FER1L5: variants seen among roughly 807,000 people sequenced by gnomAD.
FER1L5 encodes the protein fer-1 like family member 5, also known as fer-1-like protein 5.
A neutral mutation model predicts 279.9 loss-of-function variants in FER1L5; 187 were observed. The ratio of observed to expected loss-of-function variants is 0.67; its 90% CI spans 0.59 to 0.75. The LOEUF (loss-of-function observed/expected upper bound fraction) is 0.75. FER1L5 is among the 30% of genes least tolerant of loss of function. The probability of loss-of-function intolerance (pLI) is 0.00; values close to 1 mark genes in which losing one functional copy is unlikely to be tolerated. For synonymous variants in FER1L5, 921 were observed against 989.7 expected, an observed-to-expected ratio of 0.93 and a Z score of 1.30; for missense variants, 2,091 against 2,594.4, an observed-to-expected ratio of 0.81 and a Z score of 4.21.
At chr2:96,699,007 C>G (rs1410497143) in intron 41 of FER1L5, 38 bp from the exon 42 acceptor site, 2 of 1,579,366 alleles carry the variant, frequency 1.3e-6, no homozygotes, top group Non-Finnish European at 1.7e-6. Context: ...GACGGCCTCC[C>G]CAGTTCCTAT....
chr2:96,647,665 G>C, intron 3 of FER1L5, 113 bp from the exon 4 acceptor site: 3 of 737,226 alleles, frequency 4.1e-6, no homozygotes, highest in South Asian at 3.5e-5. Context: ...GCCTCTCTCT[G>C]AGGACAGCAC....
chr2:96,689,245 G>T lies in FER1L5; in HGVS notation c.2394G>T (p.Trp798Cys), dbSNP rs1317900336. 6.4e-7 allele frequency: 1 copy of T among 1,550,542 alleles called. No homozygotes were observed. The highest frequency in any genetic ancestry group is 8.7e-7 in the Non-Finnish European group (1 of 1,146,684). ...YENQAKYKDQWGQQGLYHCPN... is the reference protein window; with the variant it reads ...YENQAKYKDQCGQQGLYHCPN... ...ATCAGGCCAAGTATAAAGACCAGTGGGGGCAGCAGGGGCTGTATCACTGCC... is the reference window on the plus strand; with the variant it reads ...ATCAGGCCAAGTATAAAGACCAGTGTGGGCAGCAGGGGCTGTATCACTGCC... The change falls in exon 25 of 53, where the codon TGG becomes TGT. Residue 798 changes from tryptophan (W) to cysteine (C), a missense_variant. Physicochemically the swap from Trp to Cys is radical, Grantham distance 215 (BLOSUM62 -2). Transcript: ENST00000624922. This position sits in a 1 kb window ranked among gnomAD's most constrained non-coding sequence, Gnocchi z 4.6.
rs1199322823 is a variant in FER1L5, at chr2:96,686,127, G to A, written c.2073+10G>A. 6.5e-7 allele frequency: 1 copy of A among 1,548,954 alleles called. No homozygotes were observed. The highest frequency in any genetic ancestry group is 2.4e-5 in the East Asian group (1 of 40,868). On this transcript the variant is annotated intron_variant, in intron 22 of 52. Transcript: ENST00000624922. ...CACCGTGCTCCCTGAGGTGGGTGCT[G>A]CACACACTGGCCTGCAGCAGGGCTG...
chr2:96,682,905 A>T (rs1171383322), intron 19 of FER1L5, among the ~76,000 whole-genome samples: 2 of 152,208 alleles, frequency 1.3e-5, no homozygotes, highest in Non-Finnish European at 2.9e-5. Context: ...GGCTGGTAAC[A>T]AACTACTTGA....
At chr2:96,693,333 G>A (rs1018095599) in intron 31 of FER1L5, among the ~76,000 whole-genome samples, 173 bp from the exon 32 acceptor site, 2 of 152,176 alleles carry the variant, frequency 1.3e-5, no homozygotes, top group Non-Finnish European at 2.9e-5. Context: ...CTGGCCTCTG[G>A]TGACAGGCCC....
chr2:96,681,490 G>A (rs551281098), intron 19 of FER1L5, among the ~76,000 whole-genome samples: 79 of 151,940 alleles, frequency 5.2e-4, no homozygotes, highest in Admixed American at 3.5e-3. Flanking sequence ...GAATGCCTAC[G>A]AAGTTCCAAG....
In FER1L5 at chr2:96,694,189, C is replaced by T. The variant is rs1209339687; in HGVS notation, c.3636+117C>T. 1.2e-5 allele frequency: 17 copies of T among 1,404,448 alleles called. No individual in the cohort carries two copies. The highest frequency in any genetic ancestry group is 5.8e-5 in the South Asian group (4 of 69,070). The allele number at this position is 1,404,448 out of a possible 1,614,324, so 87.0% of individuals were successfully genotyped here. A position where few individuals can be genotyped will look rare whatever the true frequency, so the allele number is the denominator to read the frequency against. The stretch of plus-strand genomic sequence containing the variant: ...AGGAAATGCCTGGGGCCCAGGATCC[C>T]GAGCTGTGGGCTTGGTGACGCTGGC... On this transcript the variant is annotated intron_variant, in intron 33 of 52. Coordinates refer to ENST00000624922, the MANE Select transcript of FER1L5 (RefSeq NM_001293083.2). This position sits in a 1 kb window ranked among gnomAD's most constrained non-coding sequence, Gnocchi z 4.6.
In FER1L5 at chr2:96,703,195, G is replaced by C. The variant is rs781148234; in HGVS notation, c.5540G>C (p.Arg1847Pro). Residue 1847 changes from arginine to proline, a missense_variant, in exon 50 of 53, where the codon CGG (arginine) becomes CCG (proline). Transcript: ENST00000624922. ...LDLSDMPLPARHAKQCSIRMM... is the reference protein window; with the variant it reads ...LDLSDMPLPAPHAKQCSIRMM... ...TTGTCTGACATGCCCCTCCCGGCTC[G>C]GCACGCCAAGCAGTGCTCCATCAGG... The C allele has an allele frequency of 6.2e-7, 1 of 1,613,374 alleles. No homozygotes were observed. Among genetic ancestry groups the C allele is most frequent in the Non-Finnish European group, 8.5e-7 (1 of 1,179,622 alleles).
chr2:96,699,895 C>A (rs774792815), intron 43 of FER1L5, 37 bp from the exon 44 acceptor site: 1 of 1,609,512 alleles, frequency 6.2e-7, no homozygotes, highest in Non-Finnish European at 8.5e-7. Flanking sequence ...CTTCAGGACC[C>A]AAACCTCCAG....
rs1420021233 is a variant in FER1L5 at position 96,673,199 on chromosome 2, C to T, written c.1614C>T (p.Asp538=). Residue 538 remains aspartate (D), a synonymous_variant, in exon 19 of 53, where the codon GAC becomes GAT. Coordinates refer to ENST00000624922, the MANE Select transcript of FER1L5 (RefSeq NM_001293083.2). ...TCGGTCACTATGGGAACAAGATGGACCTGAATTACAAGCCTCTAGTCTCAA... is the reference window on the plus strand; with the variant it reads ...TCGGTCACTATGGGAACAAGATGGATCTGAATTACAAGCCTCTAGTCTCAA... ...VSIGHYGNKM[D]LNYKPLVSST... 1.3e-6 allele frequency: 2 copies of T among 1,551,496 alleles called. No individual in the cohort carries two copies. Among genetic ancestry groups the T allele is most frequent in the African/African-American group, 1.4e-5 (1 of 73,090 alleles).
chr2:96,692,285 C>A, intron 31 of FER1L5, 104 bp downstream of exon 31: 1 of 1,256,764 alleles, frequency 8.0e-7, no homozygotes, highest in Non-Finnish European at 1.1e-6. Flanking sequence ...GCAGTCCCAG[C>A]CAGGGCCCCT....
intron 39 of FER1L5, 106 bp downstream of exon 39, chr2:96,697,867 A>G: frequency 6.8e-7 from 1 of 1,466,626 alleles, no homozygotes; most frequent in Non-Finnish European, 9.3e-7. Context: ...AGGTTCCCGC[A>G]CTGTCTCCCA....
At chr2:96,662,327 G>A (rs2075984540) in intron 13 of FER1L5, 60 bp downstream of exon 13, 28 of 1,503,992 alleles carry the variant, frequency 1.9e-5, no homozygotes, top group Non-Finnish European at 2.5e-5. Context: ...GTAGTTTGGA[G>A]AGGAGGGTGG....
At chr2:96,653,574 T>C in intron 7 of FER1L5, 66 bp from the exon 8 acceptor site, 1 of 1,248,744 alleles carries the variant, frequency 8.0e-7, no homozygotes, top group Non-Finnish European at 1.1e-6. Flanking sequence ...GCTTTCAGGT[T>C]TACTGAGTGC....
rs1305488659 is a variant in FER1L5 at position 96,694,357 on chromosome 2, C to T, written c.3637-3C>T. 3.9e-6 allele frequency: 6 copies of T among 1,546,468 alleles called. No individual in the cohort carries two copies. In the East Asian group the frequency reaches 7.3e-5, roughly 19 times the overall value. ...GGGCCTCATGCTCCCTGCCCTCCCC[C>T]AGAAGCTTGGAGAGAAGCAGCTGCC... is the stretch of plus-strand genomic sequence containing the variant. On this transcript the variant is annotated splice_polypyrimidine_tract_variant and splice_region_variant and intron_variant, in intron 33 of 52. Coordinates refer to ENST00000624922, the MANE Select transcript of FER1L5 (RefSeq NM_001293083.2). This position sits in a 1 kb window ranked among gnomAD's most constrained non-coding sequence, Gnocchi z 4.6.
intron 19 of FER1L5, among the ~76,000 whole-genome samples, chr2:96,684,096 T>G (rs1318452590): frequency 1.3e-5 from 2 of 152,182 alleles, no homozygotes; most frequent in Non-Finnish European, 2.9e-5. Context: ...CACTGGAAAC[T>G]GGGGACTCTG....
intron 6 of FER1L5, 102 bp from the exon 7 acceptor site, chr2:96,651,790 A>G: frequency 6.7e-7 from 1 of 1,485,062 alleles, no homozygotes; most frequent in Non-Finnish European, 9.1e-7. Context: ...TACAGGCATG[A>G]GCCACTCATT....
chr2:96,663,444 G>C lies in FER1L5; in HGVS notation c.1077G>C (p.Arg359Ser). The part of the protein sequence containing the change: ...LEVELIGEKL[R>S]THMQTQTDNP... Reference sequence around the variant, plus strand: ...ACTGCTTTGGGACATTCCAGCTCAGGACACACATGCAGACCCAAACCGACA... The same window carrying C: ...ACTGCTTTGGGACATTCCAGCTCAGCACACACATGCAGACCCAAACCGACA... Residue 359 changes from arginine (R) to serine (S), a missense_variant, in exon 14 of 53, where the codon AGG becomes AGC. By Grantham distance (110) the Arg-to-Ser change is moderately radical. Transcript: ENST00000624922. The C allele has an allele frequency of 6.4e-7, 1 of 1,551,620 alleles. No homozygotes were observed. The highest frequency in any genetic ancestry group is 1.2e-5 in the South Asian group (1 of 84,062).
At position 96,654,453 on chromosome 2, in the gene FER1L5, ACTC is replaced by A; in HGVS notation, c.708_710del (p.Ser237del). ...CTGGGAACTCCCTTGCAGGTGGTGA[ACTC>A]CTCAGCAATGAGATACAAAGCAGAG... On this transcript the variant is annotated inframe_deletion, in exon 9 of 53. Transcript: ENST00000624922. 2.5e-6 allele frequency: 1 copy of A among 398,992 alleles called. No individual in the cohort carries two copies. Among genetic ancestry groups the A allele is most frequent in the Non-Finnish European group, 4.4e-6 (1 of 226,044 alleles). The allele number at this position is 398,992 out of a possible 1,614,324, so 24.7% of individuals were successfully genotyped here. A position where few individuals can be genotyped will look rare whatever the true frequency, so the allele number is the denominator to read the frequency against.
Sources: gnomAD v4.1 joint callset for allele counts (sites outside exome capture counted in the v4.1 genomes callset) on GRCh38, gnomAD v4.1.1 for gene constraint, Gnocchi (gnomAD v3.1) non-coding constraint, MANE v1.5 for transcripts, NCBI Gene and HGNC (gene_info 2026-07-23, HGNC 2026-07-21) for gene names.